The following PCBP3 variants were observed in gnomAD, a reference collection of about 807,000 sequenced individuals.
PCBP3 encodes the protein poly(rC) binding protein 3, also known as poly(rC)-binding protein 3.
In PCBP3, 25 loss-of-function variants were observed where a neutral mutation model predicts 52.7. That is an observed-to-expected ratio of 0.47 (90% CI 0.35 to 0.66). The LOEUF is 0.66. Among genes scored for constraint, PCBP3 ranks in the 30% least tolerant of loss-of-function variants. The pLI is 0.01. For synonymous variants in PCBP3, 162 were observed against 183.0 expected, an observed-to-expected ratio of 0.89 and a Z score of 0.93; for missense variants, 391 against 490.3, an observed-to-expected ratio of 0.80 and a Z score of 1.91.
Position 45,905,847 on chromosome 21 carries a change from A to G in PCBP3, c.340-3508A>G, listed in dbSNP as rs80171472. 1.0e-2 allele frequency among the ~76,000 whole-genome samples: 1,520 copies of G among 152,256 alleles called. 20 individuals are homozygous for G. Among genetic ancestry groups the G allele is most frequent in the African/African-American group, 0.034 (1,395 of 41,552 alleles). ...CGGAGGGTCAGGGTTTCAGTGGATG[A>G]ACTTGGTCCGGTTCTGCAGCACAGG... On this transcript the variant is annotated intron_variant, in intron 9 of 17. Transcript: ENST00000681687.
At position 45,876,853 on chromosome 21, in the gene PCBP3, G is replaced by C. The variant is rs970686593; in HGVS notation, c.11-19355G>C. 3.0e-4 allele frequency among the ~76,000 whole-genome samples: 46 copies of C among 152,242 alleles called. 1 individual carries two copies. Among genetic ancestry groups the C allele is most frequent in the Non-Finnish European group, 8.8e-5 (6 of 68,044 alleles). The stretch of plus-strand genomic sequence containing the variant: ...GCCCTGGACAGAGCACAGCTAACGG[G>C]GGTATGGCCAGAGCCGCTGGCTGCG... On this transcript the variant is annotated intron_variant, in intron 5 of 17. Transcript: ENST00000681687.
chr21:45,722,939 G>A (rs1381949555), intron 2 of PCBP3, among the ~76,000 whole-genome samples: 3 of 151,884 alleles, frequency 2.0e-5, no homozygotes, highest in African/African-American at 7.3e-5. Context: ...ACTTGAACCC[G>A]GGAGGTGGAG....
At chr21:45,819,062 C>T (rs923995694) in intron 4 of PCBP3, among the ~76,000 whole-genome samples, 11 of 152,160 alleles carry the variant, frequency 7.2e-5, no homozygotes, top group South Asian at 4.1e-4. Context: ...GAAAATACTC[C>T]GGGTGATGCT....
At chr21:45,860,484 C>G (rs1055844883) in intron 5 of PCBP3, among the ~76,000 whole-genome samples, 2 of 152,182 alleles carry the variant, frequency 1.3e-5, no homozygotes, top group African/African-American at 4.8e-5. Context: ...CTTACATGGC[C>G]TTTTATCCTC....
At chr21:45,898,230 G>A (rs552736293) in intron 6 of PCBP3, among the ~76,000 whole-genome samples, 6 of 152,258 alleles carry the variant, frequency 3.9e-5, no homozygotes, top group African/African-American at 1.2e-4. Flanking sequence ...TGTGGGGGAG[G>A]TGCCATGATT....
chr21:45,764,119 C>CTTTTTTTTTTTTT (rs71185167), intron 4 of PCBP3, among the ~76,000 whole-genome samples: 3 of 119,788 alleles, frequency 2.5e-5, no homozygotes, highest in Non-Finnish European at 5.3e-5. Flanking sequence ...TTTTTTTTTT[C>CTTTTTTTTTTTTT]TTTTTTTTTT....
chr21:45,831,408 C>CAAAAAAAAAA (rs59400163), intron 4 of PCBP3, among the ~76,000 whole-genome samples: 1 of 86,594 alleles, frequency 1.2e-5, no homozygotes, highest in African/African-American at 4.2e-5. Context: ...GATGCTGTCT[C>CAAAAAAAAAA]AAAAAAAAAA....
At chr21:45,911,182 G>T (rs9979027) in intron 11 of PCBP3, 152 bp downstream of exon 11, 2 of 872,798 alleles carry the variant, frequency 2.3e-6, no homozygotes, top group African/African-American at 3.3e-5. Context: ...GAGCGAGAGC[G>T]GTGCCGGTAT....
chr21:45,678,769 A>C (rs2081629036), intron 2 of PCBP3, among the ~76,000 whole-genome samples: 1 of 151,884 alleles, frequency 6.6e-6, no homozygotes, highest in Admixed American at 6.6e-5. Context: ...AAGGGTTTAG[A>C]ATATTAATAT....
At chr21:45,690,403 A>G (rs909273234) in intron 2 of PCBP3, among the ~76,000 whole-genome samples, 1 of 152,258 alleles carries the variant, frequency 6.6e-6, no homozygotes, top group Admixed American at 6.5e-5. Flanking sequence ...GGGGCTTGCT[A>G]GATTCTTAGA....
At chr21:45,910,843 G>T in intron 10 of PCBP3, 59 bp from the exon 11 acceptor site, 1 of 1,519,772 alleles carries the variant, frequency 6.6e-7, no homozygotes, top group Non-Finnish European at 8.8e-7. Context: ...GACTCGGGAG[G>T]TACTGCTGCC....
At chr21:45,900,363 G>A (rs1214347465) in intron 7 of PCBP3, among the ~76,000 whole-genome samples, 1 of 152,184 alleles carries the variant, frequency 6.6e-6, no homozygotes, top group African/African-American at 2.4e-5. Context: ...CCTGTAGGTG[G>A]GTGCACTTGC....
At chr21:45,878,632 GAACA>G (rs1173450332) in intron 5 of PCBP3, among the ~76,000 whole-genome samples, 1 of 152,210 alleles carries the variant, frequency 6.6e-6, no homozygotes, top group African/African-American at 2.4e-5. Flanking sequence ...TCTCAGAACA[GAACA>G]GACATTGGAG....
intron 2 of PCBP3, among the ~76,000 whole-genome samples, chr21:45,705,210 G>A (rs1277983457): frequency 6.6e-6 from 1 of 152,210 alleles, no homozygotes; most frequent in Non-Finnish European, 1.5e-5. Flanking sequence ...GGGAATCTGT[G>A]GAGACTGGCT....
intron 5 of PCBP3, among the ~76,000 whole-genome samples, chr21:45,856,915 T>G (rs2094321503): frequency 6.6e-6 from 1 of 152,226 alleles, no homozygotes; most frequent in Non-Finnish European, 1.5e-5. Context: ...TCAGTAAATT[T>G]AAACATTTTC....
In PCBP3 at chr21:45,917,353, C is replaced by T; in HGVS notation, c.676-235C>T. The T allele has an allele frequency of 2.5e-6, 1 of 401,640 alleles. No individual in the cohort carries two copies. The highest frequency in any genetic ancestry group is 2.9e-5 in the South Asian group (1 of 34,652). The allele number at this position is 401,640 out of a possible 1,614,324, so 24.9% of individuals were successfully genotyped here. On this transcript the variant is annotated intron_variant, in intron 12 of 17. Coordinates refer to ENST00000681687, the MANE Select transcript of PCBP3 (RefSeq NM_001384156.1). This position sits in a 1 kb window ranked among gnomAD's most constrained non-coding sequence, Gnocchi z 5.3. The stretch of plus-strand genomic sequence containing the variant: ...CATCAAGGCTGAACTGTTTCCCTCC[C>T]ACCCGCTGAACTGGCCAGCTCAGCT...
At chr21:45,730,516 G>T (rs573004475) in intron 2 of PCBP3, among the ~76,000 whole-genome samples, 18 of 152,234 alleles carry the variant, frequency 1.2e-4, no homozygotes, top group African/African-American at 2.4e-5. Context: ...TTATAATTGT[G>T]TGGAGTGTTC....
At chr21:45,660,807 C>T (rs573674034) in intron 1 of PCBP3, among the ~76,000 whole-genome samples, 6 of 152,118 alleles carry the variant, frequency 3.9e-5, no homozygotes, top group South Asian at 4.2e-4. Flanking sequence ...GGGAGGCCGA[C>T]GCGGACAGAT....
At chr21:45,871,671 G>A (rs529214606) in intron 5 of PCBP3, 1 of 152,406 alleles carries the variant, frequency 6.6e-6, no homozygotes, top group South Asian at 2.1e-4. Context: ...GCTGAAAAGA[G>A]GCCAGGGCCA....
Sources: allele counts gnomAD v4.1 joint callset (sites outside exome capture counted in the v4.1 genomes callset), GRCh38; gene constraint gnomAD v4.1.1; non-coding constraint Gnocchi (gnomAD v3.1); transcripts MANE v1.5; gene names NCBI Gene and HGNC (gene_info 2026-07-23, HGNC 2026-07-21).